Variants in DMRTC2 observed in about 807,000 individuals in gnomAD.
The protein encoded by DMRTC2 is DMRT like family C2, also known as doublesex- and mab-3-related transcription factor C2.
In DMRTC2, 13 loss-of-function variants were observed where a neutral mutation model predicts 39.9. That is an observed-to-expected ratio of 0.33 (90% CI 0.21 to 0.52). The LOEUF (loss-of-function observed/expected upper bound fraction) is 0.52, where lower values mean the gene tolerates loss of function less well. DMRTC2 is among the 20% of genes least tolerant of loss of function. The pLI, the probability that DMRTC2 is intolerant of heterozygous loss-of-function variation, is 0.96. For synonymous variants in DMRTC2, 189 were observed against 185.2 expected, an observed-to-expected ratio of 1.02 and a Z score of -0.17; for missense variants, 431 against 472.8, an observed-to-expected ratio of 0.91 and a Z score of 0.82.
At chr19:41,851,064 C>T in intron 8 of DMRTC2, 1 of 260,662 alleles carries the variant, frequency 3.8e-6, no homozygotes, top group Non-Finnish European at 7.2e-6. Context: ...CTGATAAGTG[C>T]CTTCAAGGAG....
In DMRTC2 at chr19:41,851,818, T is replaced by TTTTGTTTG. The variant is rs533842344; in HGVS notation, c.*142_*149dup. On this transcript the variant is annotated 3_prime_UTR_variant, in exon 9 of 9. Transcript: ENST00000269945. ...TTAATGTAGTACAAGCTTCGGGCTTTTTTGTTTGTTTGTTTGTTTGTTTGT... is the reference window on the plus strand; with the variant it reads ...TTAATGTAGTACAAGCTTCGGGCTTTTTTGTTTGTTTGTTTGTTTGTTTGTTTGTTTGT... 2.8e-5 allele frequency: 24 copies of TTTTGTTTG among 853,354 alleles called. No individual in the cohort carries two copies. The highest frequency in any genetic ancestry group is 4.1e-5 in the Non-Finnish European group (23 of 564,324). 52.9% of individuals were successfully genotyped at this position (853,354 alleles called of 1,614,324 possible).
Position 41,847,494 on chromosome 19 carries a change from C to G in DMRTC2, c.66C>G (p.Thr22=). Residue 22 remains threonine (T), a synonymous_variant, in exon 2 of 9, where the codon ACC becomes ACG. Transcript: ENST00000269945. ...TAGACTCTGCCCCCTGGGATGAGAC[C>G]AGAGACCCCCAGAGCACAGAGCTGA... ...CPLDSAPWDE[T]RDPQSTELIP... 1 of 1,612,892 alleles carries G rather than the reference C, an allele frequency of 6.2e-7. No homozygotes were observed. Among genetic ancestry groups the G allele is most frequent in the Non-Finnish European group, 8.5e-7 (1 of 1,179,398 alleles).
chr19:41,849,044 A>G (rs782237730), intron 5 of DMRTC2, 69 bp downstream of exon 5: 7 of 1,611,730 alleles, frequency 4.3e-6, no homozygotes, highest in Non-Finnish European at 5.9e-6. Flanking sequence ...TGGAGAGGGA[A>G]GAGGAAGAAA....
chr19:41,851,531 C>T, intron 8 of DMRTC2, 53 bp from the exon 9 acceptor site: 1 of 1,492,852 alleles, frequency 6.7e-7, no homozygotes, highest in South Asian at 1.2e-5. Context: ...GAGGGGGTTG[C>T]TAGAAGGAAA....
rs1420006546 is a variant in DMRTC2 at position 41,847,255 on chromosome 19, A to G, written c.-4-170A>G. 4.1e-6 allele frequency: 4 copies of G among 984,776 alleles called. No individual in the cohort carries two copies. In the African/African-American group the frequency reaches 5.3e-5, roughly 13 times the overall value. The allele number at this position is 984,776 out of a possible 1,614,324, so 61.0% of individuals were successfully genotyped here. A position where few individuals can be genotyped will look rare whatever the true frequency, so the allele number is the denominator to read the frequency against. On this transcript the variant is annotated intron_variant, in intron 1 of 8. Coordinates refer to ENST00000269945, the MANE Select transcript of DMRTC2 (RefSeq NM_001040283.3). ...AGAGGGGTTTCTGAAGAAGGAAGAT[A>G]CCTGAGAAATGTCATGGGGTAAAGA...
intron 4 of DMRTC2, 35 bp downstream of exon 4, chr19:41,848,563 C>G (rs1555836550): frequency 6.9e-7 from 1 of 1,456,780 alleles, no homozygotes; most frequent in Admixed American, 2.2e-5. Context: ...AAGTGTCCCC[C>G]ACCCTAGTTC....
intron 3 of DMRTC2, among the ~76,000 whole-genome samples, chr19:41,848,202 T>A (rs983562877): frequency 2.6e-4 from 40 of 152,084 alleles, no homozygotes; most frequent in African/African-American, 9.4e-4. Context: ...AAAAATTAGC[T>A]GGGCTTGGTG....
intron 1 of DMRTC2, among the ~76,000 whole-genome samples, chr19:41,846,037 G>A (rs1232024181): frequency 6.6e-6 from 1 of 151,994 alleles, no homozygotes; most frequent in Non-Finnish European, 1.5e-5. Flanking sequence ...AGTGGAGCAG[G>A]GAATCCATGA....
chr19:41,848,509 C>T lies in DMRTC2; in HGVS notation c.428C>T (p.Ala143Val). The T allele has an allele frequency of 6.2e-7, 1 of 1,600,198 alleles. No individual in the cohort carries two copies. Among genetic ancestry groups the T allele is most frequent in the Non-Finnish European group, 8.5e-7 (1 of 1,173,550 alleles). The stretch of plus-strand genomic sequence containing the variant: ...ACCCCCCATGGGGCAGTCCTGCTGG[C>T]ACCGACACCCCCCGGGAAGGTAAGG... ...PQTPHGAVLL[A>V]PTPPGKNSCG... Residue 143 changes from alanine to valine, a missense_variant, in exon 4 of 9, where the codon GCA becomes GTA. Ala to Val is a moderately conservative substitution (Grantham distance 64, BLOSUM62 0). Transcript: ENST00000269945.
At chr19:41,845,684 G>A (rs929817827) in intron 1 of DMRTC2, among the ~76,000 whole-genome samples, 11 of 152,176 alleles carry the variant, frequency 7.2e-5, no homozygotes, top group African/African-American at 2.7e-4. Context: ...AAAATTAGAC[G>A]GGCGTGGTGG....
Position 41,848,898 on chromosome 19 carries a change from C to A in DMRTC2, c.551C>A (p.Pro184Gln), listed in dbSNP as rs17853910. ...TGGGTCCCTGGACACTGGCTGCCTC[C>A]AGGCTTCTCCATGCCACCACCAGTG... ...GPWVPGHWLP[P>Q]GFSMPPPVVC... Residue 184 changes from proline (P) to glutamine (Q), a missense_variant, in exon 5 of 9, where the codon CCA (proline) becomes CAA (glutamine). Coordinates refer to ENST00000269945, the MANE Select transcript of DMRTC2 (RefSeq NM_001040283.3). The A allele has an allele frequency of 6.2e-7, 1 of 1,613,664 alleles. No individual in the cohort carries two copies. The highest frequency in any genetic ancestry group is 2.2e-5 in the East Asian group (1 of 44,888).
In DMRTC2 at chr19:41,847,201, A is replaced by G. The variant is rs565055526; in HGVS notation, c.-4-224A>G. On this transcript the variant is annotated intron_variant, in intron 1 of 8. Transcript: ENST00000269945. ...CTCCATCTCAAAAAAAAAAAAAAAA[A>G]AAAAGAAAGAACACAGAAGAGGAAG... 1.2e-3 allele frequency: 1,146 copies of G among 950,574 alleles called. 2 individuals are homozygous for G. The highest frequency in any genetic ancestry group is 1.3e-3 in the Non-Finnish European group (1,063 of 800,086). 58.9% of individuals were successfully genotyped at this position (950,574 alleles called of 1,614,324 possible). A position where few individuals can be genotyped will look rare whatever the true frequency, so the allele number is the denominator to read the frequency against.
In DMRTC2 at chr19:41,848,991, A is replaced by T; in HGVS notation, c.628+16A>T. 1 of 1,613,900 alleles carries T rather than the reference A, an allele frequency of 6.2e-7. No homozygotes were observed. The highest frequency in any genetic ancestry group is 1.1e-5 in the South Asian group (1 of 91,078). On this transcript the variant is annotated intron_variant, in intron 5 of 8. Coordinates refer to ENST00000269945, the MANE Select transcript of DMRTC2 (RefSeq NM_001040283.3). ...CCCTTCCCTGGTAAGATGATAATTC[A>T]ACATTCATTCAACATATATTTGAGT...
At chr19:41,850,404 G>A (rs782793147) in intron 7 of DMRTC2, 32 bp downstream of exon 7, 2 of 1,565,212 alleles carry the variant, frequency 1.3e-6, no homozygotes, top group Non-Finnish European at 1.7e-6. Flanking sequence ...CTAGGGCCCT[G>A]GGAGGAGGTT....
Position 41,847,426 on chromosome 19 carries a change from T to C in DMRTC2, c.-3T>C. 1 of 1,555,656 alleles carries C rather than the reference T, an allele frequency of 6.4e-7. No homozygotes were observed. Among genetic ancestry groups the C allele is most frequent in the South Asian group, 1.2e-5 (1 of 81,874 alleles). On this transcript the variant is annotated splice_region_variant and 5_prime_UTR_variant, in exon 2 of 9. Transcript: ENST00000269945. ...CTTACCTTCCACTCCTGCCCCTAGA[T>C]CCATGGAACCCAGTGACATGCCTGC...
intron 8 of DMRTC2, chr19:41,851,074 G>A: frequency 4.1e-6 from 1 of 245,862 alleles, no homozygotes; most frequent in Non-Finnish European, 7.7e-6. Context: ...CCTTCAAGGA[G>A]CTTACGTTCT....
In DMRTC2 at chr19:41,851,906, G is replaced by C; in HGVS notation, c.*210G>C. On this transcript the variant is annotated 3_prime_UTR_variant, in exon 9 of 9. Transcript: ENST00000269945. ...TGGTAGTGTGGGCATTTCCTTGGCT[G>C]ACAGTGGATATTCTTGTACCCTTCT... 1.7e-6 allele frequency: 1 copy of C among 582,794 alleles called. No homozygotes were observed. Among genetic ancestry groups the C allele is most frequent in the Non-Finnish European group, 3.0e-6 (1 of 328,010 alleles). 36.1% of individuals were successfully genotyped at this position (582,794 alleles called of 1,614,324 possible).
Position 41,848,888 on chromosome 19 carries a change from T to C in DMRTC2, c.541T>C (p.Trp181Arg). The change falls in exon 5 of 9, where the codon TGG (tryptophan) becomes CGG (arginine). Residue 181 changes from tryptophan (W) to arginine (R), a missense_variant. Physicochemically the swap from Trp to Arg is moderately radical, Grantham distance 101 (BLOSUM62 -3). Transcript: ENST00000269945. ...TCCTGGCCCTTGGGTCCCTGGACAC[T>C]GGCTGCCTCCAGGCTTCTCCATGCC... Reference protein sequence around the residue: ...VPPGPWVPGHWLPPGFSMPPP... With the variant: ...VPPGPWVPGHRLPPGFSMPPP... The C allele has an allele frequency of 6.2e-7, 1 of 1,613,478 alleles. No individual in the cohort carries two copies. The highest frequency in any genetic ancestry group is 1.6e-4 in the Middle Eastern group (1 of 6,062).
At position 41,847,874 on chromosome 19, in the gene DMRTC2, G is replaced by C; in HGVS notation, c.363G>C (p.Gln121His). 5.1e-6 allele frequency: 8 copies of C among 1,582,052 alleles called. No individual in the cohort carries two copies. Among genetic ancestry groups the C allele is most frequent in the Non-Finnish European group, 6.9e-6 (8 of 1,163,288 alleles). Residue 121 changes from glutamine to histidine, a missense_variant, in exon 3 of 9, where the codon CAG (glutamine) becomes CAC (histidine). By Grantham distance (24) the Gln-to-His change is conservative. Coordinates refer to ENST00000269945, the MANE Select transcript of DMRTC2 (RefSeq NM_001040283.3). The stretch of plus-strand genomic sequence containing the variant: ...TCAGAAAGGGAACCACTCAGCCACA[G>C]GTCCCCTGTGAGTGTCTCTGACCAG... ...NHFRKGTTQP[Q>H]VPSGKENIAP...
Sources: gnomAD v4.1 joint callset for allele counts (sites outside exome capture counted in the v4.1 genomes callset) on GRCh38, gnomAD v4.1.1 for gene constraint, MANE v1.5 for transcripts, NCBI Gene and HGNC (gene_info 2026-07-23, HGNC 2026-07-21) for gene names.